Variants in GART observed in about 807,000 individuals in gnomAD.
The protein encoded by GART is phosphoribosylglycinamide formyltransferase, phosphoribosylglycinamide synthetase, phosphoribosylaminoimidazole synthetase, also known as trifunctional purine biosynthetic protein adenosine-3.
GART carries 43 observed loss-of-function variants against 107.2 expected under a neutral mutation model. The ratio of observed to expected loss-of-function variants is 0.40; its 90% CI spans 0.31 to 0.52. The LOEUF (loss-of-function observed/expected upper bound fraction) is 0.52. Ranked by LOEUF, GART falls within the 20% of genes least tolerant of loss-of-function variation. The probability of loss-of-function intolerance (pLI) is 0.52; values close to 1 mark genes in which losing one functional copy is unlikely to be tolerated. For synonymous variants in GART, 434 were observed against 427.0 expected (o/e 1.02, Z -0.20); for missense variants, 1,107 against 1,206.5 (o/e 0.92, Z 1.22).
rs774342899 is a variant in GART, at chr21:33,517,046, C to T, written c.2050G>A (p.Gly684Arg). ...CTGGGGATGTTCTCTAGTAATCCTC[C>T]ACCAGTAATATGGGCAAAGGCTTTG... ...HVKAFAHITG[G>R]GLLENIPRVL... is the part of the protein sequence containing the mutation. Residue 684 changes from glycine (G) to arginine (R), a missense_variant, in exon 16 of 22, where the codon GGA (glycine) becomes AGA (arginine). Transcript: ENST00000381815. The T allele has an allele frequency of 1.8e-5, 29 of 1,613,812 alleles. No homozygotes were observed. Among genetic ancestry groups the T allele is most frequent in the Non-Finnish European group, 2.3e-5 (27 of 1,179,938 alleles).
chr21:33,507,822 A>C (rs910703688), intron 18 of GART, among the ~76,000 whole-genome samples: 2 of 152,056 alleles, frequency 1.3e-5, no homozygotes, highest in African/African-American at 2.4e-5. Flanking sequence ...ACAGAGTGAG[A>C]CTCTATCTCA....
At chr21:33,526,468 C>A (rs2085075889) in intron 10 of GART, among the ~76,000 whole-genome samples, 2 of 152,188 alleles carry the variant, frequency 1.3e-5, no homozygotes, top group Admixed American at 1.3e-4. Context: ...GCCACCGTGC[C>A]TGGCCTGTAA....
In GART at chr21:33,524,968, C is replaced by A; in HGVS notation, c.1099G>T (p.Val367Leu). The A allele has an allele frequency of 6.2e-7, 1 of 1,614,190 alleles. No homozygotes were observed. Among genetic ancestry groups the A allele is most frequent in the Non-Finnish European group, 8.5e-7 (1 of 1,180,036 alleles). ...TTGAGGGCAGTGCCTGCATGGAACACCTCCAGTCCTAGAGCTTGAGCCTCA... is the reference window on the plus strand; with the variant it reads ...TTGAGGGCAGTGCCTGCATGGAACAACTCCAGTCCTAGAGCTTGAGCCTCA... ...FPEAQALGLEVFHAGTALKNG... is the reference protein window; with the variant it reads ...FPEAQALGLELFHAGTALKNG... Residue 367 changes from valine (V) to leucine (L), a missense_variant, in exon 11 of 22, where the codon GTG becomes TTG. Val to Leu is a conservative substitution (Grantham distance 32). Coordinates refer to ENST00000381815, the MANE Select transcript of GART (RefSeq NM_000819.5).
chr21:33,532,355 T>C lies in GART; in HGVS notation c.518A>G (p.Glu173Gly), dbSNP rs558129493. Residue 173 changes from glutamate (E) to glycine (G), a missense_variant, in exon 5 of 22, where the codon GAG becomes GGG. By Grantham distance (98) the Glu-to-Gly change is moderately conservative. Transcript: ENST00000381815. Reference protein sequence around the residue: ...SKEEACKAVQEIMQEKAFGAA... With the variant: ...SKEEACKAVQGIMQEKAFGAA... ...GAAGACCCAGCCTACCTGCATGATC[T>C]CTTGTACAGCTTTGCAGGCCTCTTC... 1.5e-5 allele frequency: 25 copies of C among 1,613,144 alleles called. No individual in the cohort carries two copies. Among genetic ancestry groups the C allele is most frequent in the Non-Finnish European group, 2.0e-5 (23 of 1,179,284 alleles).
intron 4 of GART, 37 bp downstream of exon 4, chr21:33,534,542 C>G: frequency 6.2e-7 from 1 of 1,611,032 alleles, no homozygotes; most frequent in Non-Finnish European, 8.5e-7. Context: ...AATATCAAAA[C>G]TAAACAACTG....
intron 13 of GART, 140 bp downstream of exon 13, chr21:33,520,766 G>T: frequency 1.4e-6 from 1 of 725,178 alleles, no homozygotes; most frequent in Non-Finnish European, 2.3e-6. Flanking sequence ...TTAGAAATGT[G>T]CAGATATTTT....
At chr21:33,521,525 G>T (rs991955844) in intron 12 of GART, among the ~76,000 whole-genome samples, 2 of 151,752 alleles carry the variant, frequency 1.3e-5, no homozygotes, top group Non-Finnish European at 2.9e-5. Context: ...CCAGCTACTC[G>T]GGAGGCTGAG....
In GART at chr21:33,505,601, G is replaced by T; in HGVS notation, c.2685C>A (p.Phe895Leu). 6.2e-7 allele frequency: 1 copy of T among 1,607,180 alleles called. No individual in the cohort carries two copies. Among genetic ancestry groups the T allele is most frequent in the Non-Finnish European group, 8.5e-7 (1 of 1,177,898 alleles). The part of the protein sequence containing the change: ...FSIDIVCLAG[F>L]MRILSGPFVQ... ...CAAAGGGGCCAGAAAGAATTCTCAT[G>T]AATCCTGCAAGACAGACTATGTCTA... The change falls in exon 20 of 22, where the codon TTC (phenylalanine) becomes TTA (leucine). Residue 895 changes from phenylalanine to leucine, a missense_variant. By Grantham distance (22) the Phe-to-Leu change is conservative. Transcript: ENST00000381815.
chr21:33,524,182 TCTC>T, intron 11 of GART: 2 of 984,790 alleles, frequency 2.0e-6, no homozygotes, highest in Non-Finnish European at 2.4e-6. Flanking sequence ...TGACCAGTAT[TCTC>T]ATCTTCAGTT....
Position 33,532,460 on chromosome 21 carries a change from T to C in GART, c.417-4A>G. The C allele has an allele frequency of 6.2e-7, 1 of 1,604,236 alleles. No individual in the cohort carries two copies. Among genetic ancestry groups the C allele is most frequent in the Non-Finnish European group, 8.5e-7 (1 of 1,171,914 alleles). On this transcript the variant is annotated splice_polypyrimidine_tract_variant and splice_region_variant and intron_variant, in intron 4 of 21. Transcript: ENST00000381815. ...AACCAAAGCAGGGAAGTCTGCACTG[T>C]AAAGACAGAGTAATCGTCAACATCC...
At chr21:33,536,707 C>A (rs1031927571) in intron 2 of GART, among the ~76,000 whole-genome samples, 2 of 152,138 alleles carry the variant, frequency 1.3e-5, no homozygotes, top group African/African-American at 4.8e-5. Flanking sequence ...AACAGGGTTA[C>A]CTGAACACAT....
chr21:33,512,989 C>T (rs2084813846), intron 16 of GART, among the ~76,000 whole-genome samples: 1 of 151,538 alleles, frequency 6.6e-6, no homozygotes, highest in African/African-American at 2.4e-5. Context: ...GATCTCGACT[C>T]ACTGCAACCT....
At chr21:33,527,093 G>T (rs1194441265) in intron 10 of GART, among the ~76,000 whole-genome samples, 1 of 152,144 alleles carries the variant, frequency 6.6e-6, no homozygotes, top group Non-Finnish European at 1.5e-5. Flanking sequence ...TCTTGGTTCT[G>T]GCCCATTTCT....
At chr21:33,510,625 C>T (rs931735086) in intron 17 of GART, among the ~76,000 whole-genome samples, 11 of 152,160 alleles carry the variant, frequency 7.2e-5, no homozygotes, top group African/African-American at 2.2e-4. Context: ...CCACCACGCC[C>T]GGCTGGGTCT....
At chr21:33,509,680 G>C in intron 18 of GART, 103 bp downstream of exon 18, 1 of 1,205,602 alleles carries the variant, frequency 8.3e-7, no homozygotes, top group South Asian at 1.6e-5. Flanking sequence ...ATTCCCCCCA[G>C]TCCCTAGACT....
chr21:33,532,558 A>G, intron 4 of GART, 102 bp from the exon 5 acceptor site: 1 of 827,680 alleles, frequency 1.2e-6, no homozygotes, highest in Admixed American at 2.3e-5. Flanking sequence ...AATGACTGAA[A>G]AGCAGAAAGA....
intron 16 of GART, among the ~76,000 whole-genome samples, chr21:33,512,816 C>T (rs2084811018): frequency 2.0e-5 from 3 of 151,976 alleles, no homozygotes; most frequent in Admixed American, 1.3e-4. Context: ...TAGTTTTGAC[C>T]TCCTGGGCTT....
intron 16 of GART, among the ~76,000 whole-genome samples, chr21:33,511,913 C>T (rs149478161): frequency 3.8e-4 from 58 of 152,106 alleles, no homozygotes; most frequent in African/African-American, 1.2e-3. Context: ...TAATGGAAGG[C>T]GGATCAACAC....
intron 16 of GART, among the ~76,000 whole-genome samples, chr21:33,515,667 A>C (rs1300931828): frequency 6.6e-6 from 1 of 150,944 alleles, no homozygotes; most frequent in South Asian, 2.1e-4. Context: ...AAAAAAAAAA[A>C]AAAAAAAACG....
Sources: gnomAD v4.1 joint callset for allele counts (sites outside exome capture counted in the v4.1 genomes callset) on GRCh38, gnomAD v4.1.1 for gene constraint, MANE v1.5 for transcripts, NCBI Gene and HGNC (gene_info 2026-07-23, HGNC 2026-07-21) for gene names.